KCNQ3: variants seen among roughly 807,000 people sequenced by gnomAD.
KCNQ3 encodes the protein potassium voltage-gated channel subfamily Q member 3.
KCNQ3 carries 30 observed loss-of-function variants against 92.5 expected under a neutral mutation model. That is an observed-to-expected ratio of 0.32 (90% CI 0.24 to 0.44). The LOEUF is 0.44. Ranked by LOEUF, KCNQ3 falls within the 20% of genes least tolerant of loss-of-function variation. KCNQ3 has a pLI of 1.00. For missense variants in KCNQ3, 913 were observed against 1,140.3 expected (o/e 0.80, Z 2.87); for synonymous variants, 450 against 468.8 (o/e 0.96, Z 0.52).
At chr8:132,210,229 G>A (rs769255976) in intron 1 of KCNQ3, among the ~76,000 whole-genome samples, 2 of 152,136 alleles carry the variant, frequency 1.3e-5, no homozygotes, top group Non-Finnish European at 2.9e-5. Context: ...TGCAGTCAGG[G>A]TTAAAAGTCA....
intron 1 of KCNQ3, among the ~76,000 whole-genome samples, chr8:132,200,873 T>C (rs1162794681): frequency 6.6e-6 from 1 of 152,204 alleles, no homozygotes; most frequent in Non-Finnish European, 1.5e-5. Flanking sequence ...TGTTTACAGA[T>C]AGTGTGTCTT....
At chr8:132,329,656 G>A (rs937333038) in intron 1 of KCNQ3, among the ~76,000 whole-genome samples, 1 of 152,190 alleles carries the variant, frequency 6.6e-6, no homozygotes, top group African/African-American at 2.4e-5. Context: ...GCCTCTGCGA[G>A]AAAACCTTCT....
At chr8:132,185,988 C>T (rs1054662349) in intron 2 of KCNQ3, 103 bp downstream of exon 2, 8 of 851,780 alleles carry the variant, frequency 9.4e-6, no homozygotes, top group East Asian at 2.5e-5. Flanking sequence ...CTGGAGACTA[C>T]AAGAAGCTGC....
intron 1 of KCNQ3, among the ~76,000 whole-genome samples, chr8:132,341,035 A>G (rs1818513819): frequency 6.6e-6 from 1 of 152,228 alleles, no homozygotes; most frequent in African/African-American, 2.4e-5. Context: ...CAAGTGCTCA[A>G]TAGTCACATG....
intron 1 of KCNQ3, among the ~76,000 whole-genome samples, chr8:132,289,237 C>CATGTATTGT (rs1467985413): frequency 6.6e-6 from 1 of 152,186 alleles, no homozygotes; most frequent in Non-Finnish European, 1.5e-5. Flanking sequence ...CATTGTATGG[C>CATGTATTGT]ATGCCAATTT....
intron 1 of KCNQ3, among the ~76,000 whole-genome samples, chr8:132,381,111 C>T (rs1223637183): frequency 6.6e-6 from 1 of 152,116 alleles, no homozygotes; most frequent in Non-Finnish European, 1.5e-5. Context: ...GGACATTGCA[C>T]ACATATGCTC....
In KCNQ3 at chr8:132,434,065, G is replaced by A. The variant is rs1022607390; in HGVS notation, c.386+46082C>T. ...CTACTAAAAATATAAAAAATTAGCC[G>A]GGCGTAGTGGCGGGCGCCTGTATTC... is the stretch of plus-strand genomic sequence containing the variant. On this transcript the variant is annotated intron_variant, in intron 1 of 14. Transcript: ENST00000388996. Among the ~76,000 whole-genome samples the A allele has an allele frequency of 1.1e-3, 168 of 151,472 alleles. 1 individual carries two copies. Among genetic ancestry groups the A allele is most frequent in the Middle Eastern group, 3.4e-3 (1 of 294 alleles).
intron 4 of KCNQ3, among the ~76,000 whole-genome samples, chr8:132,176,434 T>C (rs769304193): frequency 1.1e-4 from 16 of 152,174 alleles, no homozygotes; most frequent in Non-Finnish European, 1.9e-4. Flanking sequence ...AGATTTATCA[T>C]AGTAGGTTGG....
intron 1 of KCNQ3, among the ~76,000 whole-genome samples, chr8:132,414,655 C>T (rs938965459): frequency 7.2e-5 from 11 of 152,228 alleles, no homozygotes; most frequent in Admixed American, 2.0e-4. Flanking sequence ...TATCCATCTT[C>T]AACCCCATGG....
chr8:132,342,135 G>T (rs545142626), intron 1 of KCNQ3, among the ~76,000 whole-genome samples: 2 of 152,090 alleles, frequency 1.3e-5, no homozygotes, highest in East Asian at 1.9e-4. Flanking sequence ...AATGTGGACG[G>T]AGGATGATGA....
intron 1 of KCNQ3, among the ~76,000 whole-genome samples, chr8:132,434,715 C>T (rs77695755): frequency 0.013 from 2,001 of 152,180 alleles, 35 homozygotes; most frequent in African/African-American, 0.046. Flanking sequence ...GCTTATAGGA[C>T]GCTAGAGAGC....
intron 1 of KCNQ3, among the ~76,000 whole-genome samples, chr8:132,345,819 T>A (rs1222536350): frequency 6.6e-6 from 1 of 152,072 alleles, no homozygotes; most frequent in African/African-American, 2.4e-5. Context: ...GATGATGAGA[T>A]AATGAGGATG....
In KCNQ3 at chr8:132,331,546, C is replaced by A. The variant is rs79736798; in HGVS notation, c.387-145365G>T. On this transcript the variant is annotated intron_variant, in intron 1 of 14. Transcript: ENST00000388996. ...GTCATAGCCTGGGCAGCTGTGGCTG[C>A]TGCTTCCTCCCCTCCCTGTCCCCTC... is the stretch of plus-strand genomic sequence containing the variant. Among the ~76,000 whole-genome samples the A allele has an allele frequency of 2.0e-5, 3 of 152,274 alleles. No homozygotes were observed. In the East Asian group the frequency reaches 5.8e-4, roughly 29 times the overall value.
At chr8:132,220,551 C>A (rs759308873) in intron 1 of KCNQ3, among the ~76,000 whole-genome samples, 1 of 152,128 alleles carries the variant, frequency 6.6e-6, no homozygotes, top group Non-Finnish European at 1.5e-5. Context: ...GAGTTCGAGG[C>A]CAGCCTGGCC....
chr8:132,456,592 ATTT>A (rs550321098), intron 1 of KCNQ3, among the ~76,000 whole-genome samples: 3 of 148,844 alleles, frequency 2.0e-5, no homozygotes, highest in African/African-American at 7.4e-5. Context: ...TTAGCTTTCT[ATTT>A]TTTTTTTATT....
At chr8:132,324,199 G>C (rs550553462) in intron 1 of KCNQ3, among the ~76,000 whole-genome samples, 2 of 152,266 alleles carry the variant, frequency 1.3e-5, no homozygotes, top group African/African-American at 2.4e-5. Context: ...CTGATGTCCT[G>C]TCCCGTCAGC....
At position 132,168,717 on chromosome 8, in the gene KCNQ3, ATGTGTGTGTGTGTGTGTGTGTGTGTGTG is replaced by A. The variant is rs568659056; in HGVS notation, c.1235+1589_1235+1616del. ...GAAAGAGAAATTGAGGATAATGAAT[ATGTGTGTGTGTGTGTGTGTGTGTGTGTG>A]TGTGTGTGTGTGTGTGTGTGTGTGT... On this transcript the variant is annotated intron_variant, in intron 8 of 14. Transcript: ENST00000388996. Among the ~76,000 whole-genome samples the A allele has an allele frequency of 4.7e-3, 515 of 108,518 alleles. 8 individuals are homozygous for A. The highest frequency in any genetic ancestry group is 9.5e-3 in the Admixed American group (100 of 10,530). The allele number at this position is 108,518 out of a possible 152,430, so 71.2% of individuals were successfully genotyped here.
chr8:132,289,728 C>T (rs1002635715), intron 1 of KCNQ3, among the ~76,000 whole-genome samples: 1 of 152,106 alleles, frequency 6.6e-6, no homozygotes, highest in African/African-American at 2.4e-5. Flanking sequence ...CATTCTATTA[C>T]AAATATATAA....
At chr8:132,278,758 C>A (rs781569974) in intron 1 of KCNQ3, among the ~76,000 whole-genome samples, 1 of 152,192 alleles carries the variant, frequency 6.6e-6, no homozygotes, top group East Asian at 1.9e-4. Context: ...GGTTCCTATG[C>A]ACATTCAACT....
Sources: gnomAD v4.1 joint callset for allele counts (sites outside exome capture counted in the v4.1 genomes callset) on GRCh38, gnomAD v4.1.1 for gene constraint, MANE v1.5 for transcripts, NCBI Gene and HGNC (gene_info 2026-07-23, HGNC 2026-07-21) for gene names.